ANKRD44: variants seen among roughly 807,000 people sequenced by gnomAD.
ANKRD44 encodes the protein ankyrin repeat domain 44.
In ANKRD44, 35 loss-of-function variants were observed where a neutral mutation model predicts 116.0. The ratio of observed to expected loss-of-function variants is 0.30; its 90% CI spans 0.23 to 0.40. The LOEUF (loss-of-function observed/expected upper bound fraction) is 0.40. Ranked by LOEUF, ANKRD44 falls within the 10% of genes least tolerant of loss-of-function variation. ANKRD44 has a pLI of 1.00. For synonymous variants in ANKRD44, 435 were observed against 461.8 expected, an observed-to-expected ratio of 0.94 and a Z score of 0.74; for missense variants, 1,014 against 1,242.6, an observed-to-expected ratio of 0.82 and a Z score of 2.77.
At chr2:197,167,864 A>C (rs2080134031) in intron 2 of ANKRD44, among the ~76,000 whole-genome samples, 1 of 152,250 alleles carries the variant, frequency 6.6e-6, no homozygotes, top group African/African-American at 2.4e-5. Flanking sequence ...TTCTTCCCTA[A>C]GAGTGAGACT....
chr2:197,173,293 C>T lies in ANKRD44; in HGVS notation c.111+13730G>A, dbSNP rs999578514. On this transcript the variant is annotated intron_variant, in intron 2 of 27. Transcript: ENST00000282272. ...AAATCTTCCTTAACTTTTTCAGTGA[C>T]ACCTACAATTATATCACAAAATATT... Among the ~76,000 whole-genome samples the T allele has an allele frequency of 5.3e-5, 8 of 152,290 alleles. No individual in the cohort carries two copies. The South Asian group carries it at 6.2e-4, about 12-fold the overall frequency.
rs111706910 is a variant in ANKRD44, at chr2:197,026,047, C to CAAAAAAAAAAAAAAAAAAAAAAAA, written c.1651-781_1651-780insTTTTTTTTTTTTTTTTTTTTTTTT. Among the ~76,000 whole-genome samples the CAAAAAAAAAAAAAAAAAAAAAAAA allele has an allele frequency of 1.5e-5, 2 of 130,352 alleles. 1 individual carries two copies. The allele number at this position is 130,352 out of a possible 152,430, so 85.5% of individuals were successfully genotyped here. A position where few individuals can be genotyped will look rare whatever the true frequency, so the allele number is the denominator to read the frequency against. On this transcript the variant is annotated intron_variant, in intron 16 of 27. Coordinates refer to ENST00000282272, the MANE Select transcript of ANKRD44 (RefSeq NM_001195144.2). ...CAGAGAAGGGGGAGATAAAAAGAAA[C>CAAAAAAAAAAAAAAAAAAAAAAAA]AAAAAAAAAAAAAACACCTTTCTGG...
rs59834536 is a variant in ANKRD44, at chr2:197,178,471, T to TA, written c.111+8551dup. ...GGGAAACAGAGTGAAACCCTGTCTC[T>TA]AAAAAAAAAAAATTTTAACTAAAAA... On this transcript the variant is annotated intron_variant, in intron 2 of 27. Transcript: ENST00000282272. Among the ~76,000 whole-genome samples the TA allele has an allele frequency of 2.4e-3, 340 of 144,272 alleles. 1 individual carries two copies. Among genetic ancestry groups the TA allele is most frequent in the Middle Eastern group, 7.2e-3 (2 of 276 alleles). 94.6% of individuals were successfully genotyped at this position (144,272 alleles called of 152,430 possible). A position where few individuals can be genotyped will look rare whatever the true frequency, so the allele number is the denominator to read the frequency against.
chr2:197,083,357 G>C lies in ANKRD44; in HGVS notation c.1457+12C>G. 9 of 1,609,898 alleles carry C rather than the reference G, an allele frequency of 5.6e-6. No individual in the cohort carries two copies. The highest frequency in any genetic ancestry group is 6.8e-6 in the Non-Finnish European group (8 of 1,178,252). On this transcript the variant is annotated intron_variant, in intron 14 of 27. Transcript: ENST00000282272. Reference sequence around the variant, plus strand: ...CTGTTCCCAGAGGAAGCATGAGCAAGGCTGTTTTTACTTTCTATCCATGTC... The same window carrying C: ...CTGTTCCCAGAGGAAGCATGAGCAACGCTGTTTTTACTTTCTATCCATGTC...
chr2:197,225,458 C>T (rs1041848584), intron 1 of ANKRD44, among the ~76,000 whole-genome samples: 2 of 152,170 alleles, frequency 1.3e-5, no homozygotes, highest in Non-Finnish European at 2.9e-5. Context: ...ATTCTCCTGC[C>T]TCAGCCTTCT....
chr2:197,255,630 C>G (rs1406315239), intron 1 of ANKRD44, among the ~76,000 whole-genome samples: 1 of 152,250 alleles, frequency 6.6e-6, no homozygotes, highest in East Asian at 1.9e-4. Context: ...ACAGGCCTGC[C>G]TGTGAACTTC....
intron 16 of ANKRD44, among the ~76,000 whole-genome samples, chr2:197,054,336 G>C (rs1382167553): frequency 6.6e-6 from 1 of 151,962 alleles, no homozygotes; most frequent in African/African-American, 2.4e-5. Context: ...GAAAACTCAA[G>C]CAACTGAACT....
At chr2:197,237,615 C>T (rs1011053815) in intron 1 of ANKRD44, among the ~76,000 whole-genome samples, 1 of 152,306 alleles carries the variant, frequency 6.6e-6, no homozygotes, top group Admixed American at 6.5e-5. Context: ...TAAATGACAG[C>T]TAATATACAA....
chr2:197,292,818 A>G (rs1423030279), intron 1 of ANKRD44, among the ~76,000 whole-genome samples: 1 of 152,230 alleles, frequency 6.6e-6, no homozygotes, highest in East Asian at 1.9e-4. Flanking sequence ...TTAAACCAAG[A>G]GTGCACATTA....
intron 8 of ANKRD44, among the ~76,000 whole-genome samples, chr2:197,111,251 C>A (rs543755091): frequency 1.3e-5 from 2 of 152,118 alleles, no homozygotes; most frequent in Admixed American, 6.5e-5. Context: ...TTTTTTTCAA[C>A]CTTTGTCTAT....
At chr2:197,074,732 G>A (rs1213177714) in intron 16 of ANKRD44, among the ~76,000 whole-genome samples, 1 of 152,096 alleles carries the variant, frequency 6.6e-6, no homozygotes, top group Non-Finnish European at 1.5e-5. Context: ...TCCCACCTCA[G>A]CCTCCCAAAG....
chr2:196,979,249 A>C (rs72491064), intron 21 of ANKRD44, among the ~76,000 whole-genome samples: 21,764 of 151,624 alleles, frequency 0.14, 1,602 homozygotes, highest in African/African-American at 0.18. Flanking sequence ...ATTTTAAAAA[A>C]TTAGCCACCT....
intron 21 of ANKRD44, among the ~76,000 whole-genome samples, chr2:196,975,190 T>C (rs938658864): frequency 2.6e-5 from 4 of 152,180 alleles, no homozygotes; most frequent in Admixed American, 2.6e-4. Flanking sequence ...AATTGTATAG[T>C]ACAACAAATT....
At chr2:197,139,741 C>G (rs902349567) in intron 3 of ANKRD44, among the ~76,000 whole-genome samples, 10 of 151,522 alleles carry the variant, frequency 6.6e-5, no homozygotes, top group African/African-American at 2.4e-4. Context: ...CCATAGTTTT[C>G]TGTATGTTTG....
At chr2:197,060,959 G>A (rs963648173) in intron 16 of ANKRD44, among the ~76,000 whole-genome samples, 10 of 152,156 alleles carry the variant, frequency 6.6e-5, no homozygotes, top group African/African-American at 2.4e-4. Flanking sequence ...TCTACAGCTT[G>A]GCTATTGTGA....
chr2:197,061,501 A>C (rs1011569600), intron 16 of ANKRD44, among the ~76,000 whole-genome samples: 1 of 152,220 alleles, frequency 6.6e-6, no homozygotes, highest in African/African-American at 2.4e-5. Context: ...ACAGAAAGTA[A>C]AAACAGGAGA....
chr2:197,040,370 G>T (rs571606263), intron 16 of ANKRD44, among the ~76,000 whole-genome samples: 4 of 141,842 alleles, frequency 2.8e-5, no homozygotes, highest in African/African-American at 1.0e-4. Context: ...TCCAGTGGAG[G>T]TAAGCCTTTT....
intron 2 of ANKRD44, chr2:197,147,781 A>T (rs2079542723): frequency 2.5e-6 from 1 of 403,024 alleles, no homozygotes; most frequent in Non-Finnish European, 5.0e-6. Context: ...TTCAGATAAA[A>T]CACCGTATGG....
At chr2:197,146,310 C>A (rs761460403) in intron 3 of ANKRD44, among the ~76,000 whole-genome samples, 1 of 152,116 alleles carries the variant, frequency 6.6e-6, no homozygotes, top group Non-Finnish European at 1.5e-5. Flanking sequence ...TTAGAGGTAA[C>A]CACTAACCAG....
Sources: gnomAD v4.1 joint callset for allele counts (sites outside exome capture counted in the v4.1 genomes callset) on GRCh38, gnomAD v4.1.1 for gene constraint, MANE v1.5 for transcripts, NCBI Gene and HGNC (gene_info 2026-07-23, HGNC 2026-07-21) for gene names.